The following RASGRP3 variants were observed in gnomAD, a reference collection of about 807,000 sequenced individuals.
The protein encoded by RASGRP3 is ras guanyl-releasing protein 3.
Under a neutral mutation model 82.7 loss-of-function variants are expected in RASGRP3, and 54 were observed. The ratio of observed to expected loss-of-function variants is 0.65; its 90% CI spans 0.52 to 0.82. The LOEUF is 0.82. Ranked by LOEUF, RASGRP3 falls within the 40% of genes least tolerant of loss-of-function variation. The probability of loss-of-function intolerance (pLI) is 0.00; values close to 1 mark genes in which losing one functional copy is unlikely to be tolerated. For missense variants in RASGRP3, 861 were observed against 828.9 expected (o/e 1.04, Z -0.48); for synonymous variants, 309 against 300.5 (o/e 1.03, Z -0.29).
At chr2:33,450,229 T>A (rs1376886188) in intron 2 of RASGRP3, among the ~76,000 whole-genome samples, 2 of 152,196 alleles carry the variant, frequency 1.3e-5, no homozygotes, top group African/African-American at 4.8e-5. Flanking sequence ...CATATACCAA[T>A]CATTATTTTT....
chr2:33,539,001 T>G (rs1673943905), intron 11 of RASGRP3, 93 bp from the exon 12 acceptor site: 4 of 853,272 alleles, frequency 4.7e-6, no homozygotes, highest in Non-Finnish European at 7.3e-6. Context: ...ATTACACCAC[T>G]GCACTCCAGC....
At chr2:33,548,147 G>A (rs1344972497) in intron 13 of RASGRP3, among the ~76,000 whole-genome samples, 1 of 152,026 alleles carries the variant, frequency 6.6e-6, no homozygotes, top group African/African-American at 2.4e-5. Context: ...GGATCACAAG[G>A]TCAGGAGATC....
chr2:33,521,997 A>C lies in RASGRP3; in HGVS notation c.411A>C (p.Lys137Asn), dbSNP rs774650493. ...DWMRRVTQRK[K>N]VSKKGKACLL... is the part of the protein sequence containing the mutation. Reference sequence around the variant, plus strand: ...TGAGAAGAGTCACACAGAGGAAAAAAGTATCCAAGAAGGGAAAAGCCTGTC... The same window carrying C: ...TGAGAAGAGTCACACAGAGGAAAAACGTATCCAAGAAGGGAAAAGCCTGTC... The change falls in exon 7 of 18, where the codon AAA becomes AAC. Residue 137 changes from lysine (K) to asparagine (N), a missense_variant. Transcript: ENST00000403687. The C allele has an allele frequency of 1.2e-6, 2 of 1,613,872 alleles. No individual in the cohort carries two copies. The highest frequency in any genetic ancestry group is 1.7e-6 in the Non-Finnish European group (2 of 1,179,842).
chr2:33,450,405 C>G (rs147867832), intron 2 of RASGRP3, among the ~76,000 whole-genome samples: 1 of 151,570 alleles, frequency 6.6e-6, no homozygotes, highest in Non-Finnish European at 1.5e-5. Flanking sequence ...CAGCCCCTTG[C>G]AATCCTCATT....
intron 1 of RASGRP3, chr2:33,447,691 C>G (rs766533648): frequency 7.2e-5 from 11 of 152,248 alleles, no homozygotes; most frequent in Non-Finnish European, 1.6e-4. Flanking sequence ...TCTCAAAGTC[C>G]TGGGATTACA....
chr2:33,495,423 C>G (rs1669218417), intron 1 of RASGRP3, among the ~76,000 whole-genome samples: 1 of 152,198 alleles, frequency 6.6e-6, no homozygotes, highest in South Asian at 2.1e-4. Flanking sequence ...CGCAGCTCAT[C>G]TGACAGGAGG....
At chr2:33,545,172 A>G (rs568285848) in intron 13 of RASGRP3, among the ~76,000 whole-genome samples, 3 of 152,320 alleles carry the variant, frequency 2.0e-5, no homozygotes, top group Admixed American at 1.3e-4. Flanking sequence ...GTCTATCTCT[A>G]TCTCTATATC....
At chr2:33,540,552 TGTTTTGTGTGTGTGTG>T (rs1264476586) in intron 12 of RASGRP3, among the ~76,000 whole-genome samples, 4 of 30,326 alleles carry the variant, frequency 1.3e-4, no homozygotes, top group African/African-American at 6.7e-4. Flanking sequence ...TCTGTGTGTG[TGTTTTGTGTGTGTGTG>T]TGTGTGTGTG....
chr2:33,550,768 T>C (rs1376876599), intron 14 of RASGRP3, among the ~76,000 whole-genome samples: 1 of 152,146 alleles, frequency 6.6e-6, no homozygotes, highest in East Asian at 1.9e-4. Flanking sequence ...GAAATTACAT[T>C]TTTCCCATCC....
At chr2:33,529,767 A>T (rs1365709099) in intron 10 of RASGRP3, among the ~76,000 whole-genome samples, 1 of 151,998 alleles carries the variant, frequency 6.6e-6, no homozygotes, top group Non-Finnish European at 1.5e-5. Context: ...TTTTTTAAAC[A>T]AGGGTTTTAT....
In RASGRP3 at chr2:33,535,267, C is replaced by T. The variant is rs1032765454; in HGVS notation, c.1161+867C>T. ...TGAAGAAATTGCATTATTGAATATA[C>T]ACCACTCATTGGTTTTAGTGGATGG... On this transcript the variant is annotated intron_variant, in intron 11 of 17. Transcript: ENST00000403687. Among the ~76,000 whole-genome samples the T allele has an allele frequency of 5.3e-5, 8 of 152,180 alleles. No homozygotes were observed. The South Asian group carries it at 1.7e-3, about 32-fold the overall frequency.
intron 13 of RASGRP3, among the ~76,000 whole-genome samples, chr2:33,546,744 A>G (rs994570870): frequency 1.3e-5 from 2 of 152,034 alleles, no homozygotes; most frequent in African/African-American, 4.8e-5. Context: ...TGTGGTACAT[A>G]TACATCATGG....
At chr2:33,520,072 T>C in intron 5 of RASGRP3, 58 bp downstream of exon 5, 1 of 1,372,622 alleles carries the variant, frequency 7.3e-7, no homozygotes, top group Non-Finnish European at 1.0e-6. Context: ...TCGTGGACAA[T>C]TTCCTTTTCC....
At chr2:33,472,179 A>C (rs972309174), upstream of RASGRP3, among the ~76,000 whole-genome samples, 34 of 152,322 alleles carry the variant, frequency 2.2e-4, no homozygotes, top group African/African-American at 7.2e-4. Flanking sequence ...CATACATGCC[A>C]GGCATTGTAT....
chr2:33,455,634 C>T (rs62147119), intron 2 of RASGRP3, among the ~76,000 whole-genome samples: 2 of 152,226 alleles, frequency 1.3e-5, no homozygotes, highest in Non-Finnish European at 2.9e-5. Context: ...AGCCATGTGG[C>T]CTACTTTTGG....
chr2:33,451,184 A>C (rs1665781522), intron 2 of RASGRP3, among the ~76,000 whole-genome samples: 1 of 151,374 alleles, frequency 6.6e-6, no homozygotes, highest in African/African-American at 2.4e-5. Context: ...TCATATACCT[A>C]TTGGCCATTT....
chr2:33,442,117 G>A (rs1665255631), intron 1 of RASGRP3, among the ~76,000 whole-genome samples: 1 of 152,110 alleles, frequency 6.6e-6, no homozygotes, highest in African/African-American at 2.4e-5. Flanking sequence ...TATGAAAAAA[G>A]AAGTAAGAGC....
chr2:33,440,374 C>T (rs1261120368), intron 1 of RASGRP3, among the ~76,000 whole-genome samples: 1 of 152,230 alleles, frequency 6.6e-6, no homozygotes, highest in Non-Finnish European at 1.5e-5. Context: ...GATTAAGTAA[C>T]ATGTCCATGA....
upstream of RASGRP3, among the ~76,000 whole-genome samples, chr2:33,475,068 C>A (rs1667275944): frequency 6.6e-6 from 1 of 152,220 alleles, no homozygotes; most frequent in Admixed American, 6.5e-5. Flanking sequence ...TTCAAATCCT[C>A]AGTAGGCCTC....
Sources: gnomAD v4.1 joint callset for allele counts (sites outside exome capture counted in the v4.1 genomes callset) on GRCh38, gnomAD v4.1.1 for gene constraint, MANE v1.5 for transcripts, NCBI Gene and HGNC (gene_info 2026-07-23, HGNC 2026-07-21) for gene names.